The following MSRB3 variants were observed in gnomAD, a reference collection of about 807,000 sequenced individuals.
MSRB3 encodes the protein methionine sulfoxide reductase B3.
A neutral mutation model predicts 21.0 loss-of-function variants in MSRB3; 13 were observed. The observed-to-expected ratio is 0.62, with a 90% CI of 0.40 to 0.98. The LOEUF (loss-of-function observed/expected upper bound fraction) is 0.98. MSRB3 is among the 50% of genes least tolerant of loss of function. The probability of loss-of-function intolerance (pLI) is 0.00; values close to 1 mark genes in which losing one functional copy is unlikely to be tolerated. For missense variants in MSRB3, 199 were observed against 230.3 expected, an observed-to-expected ratio of 0.86 and a Z score of 0.88; for synonymous variants, 87 against 88.6, an observed-to-expected ratio of 0.98 and a Z score of 0.10.
intron 4 of MSRB3, among the ~76,000 whole-genome samples, chr12:65,361,897 T>A (rs1877729689): frequency 2.0e-5 from 3 of 152,198 alleles, no homozygotes; most frequent in African/African-American, 7.2e-5. Flanking sequence ...GGTTTTAAAA[T>A]TCTATTTTTT....
At chr12:65,357,545 A>AT (rs1258519903) in intron 4 of MSRB3, among the ~76,000 whole-genome samples, 5 of 151,872 alleles carry the variant, frequency 3.3e-5, no homozygotes, top group Admixed American at 1.3e-4. Flanking sequence ...ACTAAAGCCC[A>AT]TTTTTTTCAT....
At chr12:65,419,957 C>T in intron 5 of MSRB3, 1 of 570,740 alleles carries the variant, frequency 1.8e-6, no homozygotes, top group South Asian at 1.5e-5. Flanking sequence ...CATAGCTGGG[C>T]ACCTGGATGG....
intron 5 of MSRB3, among the ~76,000 whole-genome samples, chr12:65,389,190 A>G (rs941349590): frequency 3.3e-5 from 5 of 152,074 alleles, no homozygotes; most frequent in Admixed American, 2.6e-4. Context: ...CTGCCCTTAT[A>G]TTACCCCATA....
chr12:65,306,000 A>AC (rs1234302610), intron 1 of MSRB3, among the ~76,000 whole-genome samples: 3 of 152,170 alleles, frequency 2.0e-5, no homozygotes, highest in Admixed American at 1.3e-4. Context: ...AGCACTTTTA[A>AC]CCAATTAACT....
intron 1 of MSRB3, among the ~76,000 whole-genome samples, chr12:65,288,707 A>G (rs1191728681): frequency 1.3e-5 from 2 of 152,180 alleles, no homozygotes; most frequent in African/African-American, 2.4e-5. Context: ...TAGATTTCAG[A>G]TGAGAAAAGT....
intron 5 of MSRB3, among the ~76,000 whole-genome samples, chr12:65,398,039 T>C (rs1436001714): frequency 2.0e-5 from 3 of 152,222 alleles, no homozygotes; most frequent in Non-Finnish European, 4.4e-5. Flanking sequence ...TCCAAGTCTT[T>C]GCTATTGTGA....
chr12:65,311,997 T>C (rs1474400213), intron 2 of MSRB3, among the ~76,000 whole-genome samples: 2 of 152,022 alleles, frequency 1.3e-5, no homozygotes, highest in African/African-American at 4.8e-5. Context: ...AGGTAATTTT[T>C]CTCTCGCAGA....
Position 65,378,063 on chromosome 12 carries a change from T to G in MSRB3, c.292+9037T>G, listed in dbSNP as rs555482309. On this transcript the variant is annotated intron_variant, in intron 5 of 6. Transcript: ENST00000308259. The stretch of plus-strand genomic sequence containing the variant: ...AAATAATTTTTTTATGATAAGCCAC[T>G]AAGATTTTTCTATCACTTATTATAG... 1.7e-3 allele frequency among the ~76,000 whole-genome samples: 265 copies of G among 152,314 alleles called. 3 individuals are homozygous for G. The highest frequency in any genetic ancestry group is 6.1e-3 in the African/African-American group (254 of 41,574).
chr12:65,306,306 A>G (rs2136419665), intron 1 of MSRB3, among the ~76,000 whole-genome samples: 1 of 152,364 alleles, frequency 6.6e-6, no homozygotes, highest in South Asian at 2.1e-4. Flanking sequence ...AGCCATATTA[A>G]CTATGATTCT....
intron 1 of MSRB3, chr12:65,282,140 A>T (rs1222997048): frequency 6.6e-6 from 1 of 152,374 alleles, no homozygotes; most frequent in East Asian, 1.9e-4. Flanking sequence ...AACACGGTGA[A>T]ACCCTGTCTC....
intron 1 of MSRB3, among the ~76,000 whole-genome samples, chr12:65,298,221 C>A (rs1449455334): frequency 6.6e-6 from 1 of 152,164 alleles, no homozygotes; most frequent in African/African-American, 2.4e-5. Context: ...CCAGAGTGGT[C>A]TCAAACTCCT....
At chr12:65,415,561 C>T (rs1880926674) in intron 5 of MSRB3, among the ~76,000 whole-genome samples, 1 of 151,820 alleles carries the variant, frequency 6.6e-6, no homozygotes, top group Non-Finnish European at 1.5e-5. Context: ...TTCTGCTGGT[C>T]TTACAAGAGA....
intron 5 of MSRB3, among the ~76,000 whole-genome samples, chr12:65,375,380 A>G (rs1013896703): frequency 1.3e-5 from 2 of 152,186 alleles, no homozygotes. Context: ...TGGAGCATTT[A>G]AAAGCTATGA....
At chr12:65,304,458 T>G (rs1024532536) in intron 1 of MSRB3, among the ~76,000 whole-genome samples, 3 of 152,184 alleles carry the variant, frequency 2.0e-5, no homozygotes, top group African/African-American at 7.2e-5. Context: ...TTTGGGAGAT[T>G]AGGAAGATTC....
chr12:65,418,753 T>C, intron 5 of MSRB3: 1 of 936,584 alleles, frequency 1.1e-6, no homozygotes, highest in Non-Finnish European at 1.7e-6. Context: ...GTCATTGATC[T>C]CAGACACCAC....
At chr12:65,370,676 T>C (rs1878268945) in intron 5 of MSRB3, among the ~76,000 whole-genome samples, 1 of 152,192 alleles carries the variant, frequency 6.6e-6, no homozygotes, top group Admixed American at 6.5e-5. Context: ...AAAATAGTTA[T>C]AACAGCTGTA....
chr12:65,361,679 G>C (rs1877715603), intron 4 of MSRB3, among the ~76,000 whole-genome samples: 1 of 152,090 alleles, frequency 6.6e-6, no homozygotes, highest in East Asian at 1.9e-4. Flanking sequence ...CAAATCTTAA[G>C]ACTTTGGCGT....
At chr12:65,430,711 C>T (rs11175763) in intron 5 of MSRB3, among the ~76,000 whole-genome samples, 2,090 of 152,116 alleles carry the variant, frequency 0.014, 45 homozygotes, top group African/African-American at 0.048. Context: ...GCCTTCAATT[C>T]TTATAGCTTC....
chr12:65,453,610 A>C (rs1882955548), intron 5 of MSRB3, 118 bp from the exon 6 acceptor site: 1 of 803,536 alleles, frequency 1.2e-6, no homozygotes, highest in Non-Finnish European at 2.1e-6. Context: ...TCAGGTTGAA[A>C]AGTTAAACAT....
Sources: gnomAD v4.1 joint callset for allele counts (sites outside exome capture counted in the v4.1 genomes callset) on GRCh38, gnomAD v4.1.1 for gene constraint, MANE v1.5 for transcripts, NCBI Gene and HGNC (gene_info 2026-07-23, HGNC 2026-07-21) for gene names.